NKAIN3: variants seen among roughly 807,000 people sequenced by gnomAD.
The protein encoded by NKAIN3 is sodium/potassium transporting ATPase interacting 3.
Under a neutral mutation model 30.2 loss-of-function variants are expected in NKAIN3, and 25 were observed. The ratio of observed to expected loss-of-function variants is 0.83; its 90% CI spans 0.60 to 1.16. The LOEUF is 1.16. Among genes scored for constraint, NKAIN3 ranks in the 50% most tolerant of loss-of-function variants. NKAIN3 has a pLI of 0.00. For missense variants in NKAIN3, 225 were observed against 254.1 expected, an observed-to-expected ratio of 0.89 and a Z score of 0.78; for synonymous variants, 91 against 89.6, an observed-to-expected ratio of 1.02 and a Z score of -0.09.
chr8:62,653,374 A>C (rs1014640554), intron 3 of NKAIN3, among the ~76,000 whole-genome samples: 1 of 152,104 alleles, frequency 6.6e-6, no homozygotes, highest in Non-Finnish European at 1.5e-5. Flanking sequence ...TCATGATCTC[A>C]TCTAAAGCTA....
rs541701534 is a variant in NKAIN3 at position 62,515,869 on chromosome 8, A to AT, written c.55-63670_55-63669insT. 3.0e-3 allele frequency among the ~76,000 whole-genome samples: 451 copies of AT among 152,228 alleles called. 2 individuals carry two copies. The highest frequency in any genetic ancestry group is 0.011 in the African/African-American group (440 of 41,566). The stretch of plus-strand genomic sequence containing the variant: ...TTGTTAATCATTTGGATTTCACTAT[A>AT]AATTATATATTTAAATTACTTGCTT... On this transcript the variant is annotated intron_variant, in intron 1 of 6. Coordinates refer to ENST00000623646, the MANE Select transcript of NKAIN3 (RefSeq NM_001304533.3).
intron 1 of NKAIN3, among the ~76,000 whole-genome samples, chr8:62,345,348 C>T (rs371629773): frequency 6.2e-3 from 59 of 9,492 alleles, no homozygotes; most frequent in African/African-American, 9.8e-3. Context: ...TATATACACA[C>T]ATATACACAT....
chr8:62,840,273 C>T (rs570424526), intron 4 of NKAIN3, among the ~76,000 whole-genome samples: 1 of 151,956 alleles, frequency 6.6e-6, no homozygotes, highest in Admixed American at 6.6e-5. Context: ...TGGTCATGTA[C>T]TTAGTGTTTA....
At chr8:62,449,256 C>A (rs1302146968) in intron 1 of NKAIN3, among the ~76,000 whole-genome samples, 11 of 151,964 alleles carry the variant, frequency 7.2e-5, no homozygotes, top group African/African-American at 2.7e-4. Flanking sequence ...TCTTGAGATT[C>A]TAAGTGAATG....
At chr8:62,782,819 G>C (rs982219363) in intron 4 of NKAIN3, among the ~76,000 whole-genome samples, 3 of 150,458 alleles carry the variant, frequency 2.0e-5, no homozygotes, top group Admixed American at 6.7e-5. Flanking sequence ...AAAATGAAAA[G>C]AAGTTGGCTA....
At chr8:62,797,818 G>A (rs1283290440) in intron 4 of NKAIN3, among the ~76,000 whole-genome samples, 2 of 152,122 alleles carry the variant, frequency 1.3e-5, no homozygotes, top group Non-Finnish European at 2.9e-5. Flanking sequence ...CAGTGGAGTA[G>A]AGTGAGCCCC....
chr8:62,305,624 A>C (rs997227976), intron 1 of NKAIN3, among the ~76,000 whole-genome samples: 1 of 150,552 alleles, frequency 6.6e-6, no homozygotes, highest in African/African-American at 2.5e-5. Context: ...GTCCTTTAAA[A>C]TATCTGTCCA....
At chr8:62,452,709 C>T (rs1387098208) in intron 1 of NKAIN3, among the ~76,000 whole-genome samples, 2 of 152,096 alleles carry the variant, frequency 1.3e-5, no homozygotes, top group Middle Eastern at 6.3e-3. Context: ...TATCCCTTAT[C>T]ATTACTCTTG....
At chr8:62,250,448 A>C (rs1397274598) in intron 1 of NKAIN3, among the ~76,000 whole-genome samples, 1 of 152,220 alleles carries the variant, frequency 6.6e-6, no homozygotes, top group Non-Finnish European at 1.5e-5. Context: ...AATTTTAAAA[A>C]TTTAAAACAA....
At position 62,982,870 on chromosome 8, in the gene NKAIN3, A is replaced by G. The variant is rs940141184; in HGVS notation, c.*17463A>G. 1 of 152,178 alleles carries G rather than the reference A, an allele frequency of 6.6e-6. No individual in the cohort carries two copies. The highest frequency in any genetic ancestry group is 1.9e-4 in the East Asian group (1 of 5,200). The allele number at this position is 152,178 out of a possible 1,614,324, so 9.4% of individuals were successfully genotyped here. A position where few individuals can be genotyped will look rare whatever the true frequency, so the allele number is the denominator to read the frequency against. ...CACACTCAAAACAAACTTGCTTCCC[A>G]TCACATTCTTGGTTTGTCAGCACTC... On this transcript the variant is annotated 3_prime_UTR_variant, in exon 7 of 7. Transcript: ENST00000623646.
At chr8:62,822,330 G>T (rs1329613524) in intron 4 of NKAIN3, among the ~76,000 whole-genome samples, 1 of 152,130 alleles carries the variant, frequency 6.6e-6, no homozygotes, top group Non-Finnish European at 1.5e-5. Flanking sequence ...GAAAGCAGTT[G>T]AAATCTTTAA....
chr8:62,615,941 C>T lies in NKAIN3; in HGVS notation c.273+26147C>T, dbSNP rs140035210. Among the ~76,000 whole-genome samples, 98 of 152,064 alleles carry T rather than the reference C, an allele frequency of 6.4e-4. 1 individual carries two copies. Among genetic ancestry groups the T allele is most frequent in the African/African-American group, 2.1e-3 (88 of 41,492 alleles). The stretch of plus-strand genomic sequence containing the variant: ...GTTGAAGCCAGGTGCTATGATTGCT[C>T]GCCTGATTTTTGATTCTTATGAAGG... On this transcript the variant is annotated intron_variant, in intron 3 of 6. Transcript: ENST00000623646.
At chr8:62,527,429 TA>T (rs1359591689) in intron 1 of NKAIN3, among the ~76,000 whole-genome samples, 1 of 152,184 alleles carries the variant, frequency 6.6e-6, no homozygotes, top group Non-Finnish European at 1.5e-5. Context: ...ACAGACCAGA[TA>T]ACCTCATAAA....
chr8:62,811,945 GT>G (rs142126650), intron 4 of NKAIN3, among the ~76,000 whole-genome samples: 1,862 of 149,932 alleles, frequency 0.012, 43 homozygotes, highest in African/African-American at 0.042. Flanking sequence ...TTTCTCCTGT[GT>G]TTTTTTTTCC....
intron 1 of NKAIN3, among the ~76,000 whole-genome samples, chr8:62,299,451 G>T (rs1337332098): frequency 1.3e-5 from 2 of 152,038 alleles, no homozygotes; most frequent in East Asian, 3.9e-4. Flanking sequence ...TGTTCACACA[G>T]GTTGGACTCC....
intron 1 of NKAIN3, among the ~76,000 whole-genome samples, chr8:62,388,423 A>G (rs2129594410): frequency 6.6e-6 from 1 of 152,378 alleles, no homozygotes; most frequent in African/African-American, 2.4e-5. Context: ...AACAAAGCTA[A>G]GGAAAAAATT....
At chr8:62,718,889 A>G (rs890880092) in intron 3 of NKAIN3, among the ~76,000 whole-genome samples, 1 of 152,188 alleles carries the variant, frequency 6.6e-6, no homozygotes, top group African/African-American at 2.4e-5. Flanking sequence ...TTAAGACCAA[A>G]TAATTCATTC....
chr8:62,345,182 T>G (rs1179330847), intron 1 of NKAIN3, among the ~76,000 whole-genome samples: 1 of 151,676 alleles, frequency 6.6e-6, no homozygotes, highest in African/African-American at 2.4e-5. Context: ...ACCACATTTA[T>G]TTATTAATTA....
intron 4 of NKAIN3, among the ~76,000 whole-genome samples, chr8:62,857,594 A>C (rs919786970): frequency 1.3e-5 from 2 of 152,156 alleles, no homozygotes; most frequent in Non-Finnish European, 2.9e-5. Flanking sequence ...TTTCAGAAAA[A>C]CAGTCTTCAA....
Sources: gnomAD v4.1 joint callset for allele counts (sites outside exome capture counted in the v4.1 genomes callset) on GRCh38, gnomAD v4.1.1 for gene constraint, MANE v1.5 for transcripts, NCBI Gene and HGNC (gene_info 2026-07-23, HGNC 2026-07-21) for gene names.